FGF1: variants seen among roughly 807,000 people sequenced by gnomAD.
FGF1 encodes the protein beta-endothelial cell growth factor.
A neutral mutation model predicts 13.4 loss-of-function variants in FGF1; 9 were observed. The ratio of observed to expected loss-of-function variants is 0.67; its 90% confidence interval spans 0.40 to 1.17. The LOEUF is 1.17. Among genes scored for constraint, FGF1 ranks in the 50% most tolerant of loss-of-function variants. The pLI is 0.01. For synonymous variants in FGF1, 93 were observed against 79.0 expected (o/e 1.18, Z -0.94); for missense variants, 156 against 192.7 (o/e 0.81, Z 1.13).
chr5:142,665,957 C>T, intron 1 of FGF1, among the ~76,000 whole-genome samples: 1 of 152,100 alleles, frequency 6.6e-6, no homozygotes, highest in Non-Finnish European at 1.5e-5. Flanking sequence ...CTCTGGCAAA[C>T]CCTTCTTTTT....
chr5:142,622,280 C>T (rs1464188601), intron 1 of FGF1, among the ~76,000 whole-genome samples: 1 of 152,224 alleles, frequency 6.6e-6, no homozygotes, highest in African/African-American at 2.4e-5. Context: ...CTGTATCTAG[C>T]ATTGAGCAAA....
In FGF1 at chr5:142,592,693, C is replaced by A; in HGVS notation, c.*2597G>T. The A allele has an allele frequency of 2.7e-6, 1 of 372,466 alleles. No homozygotes were observed. Among genetic ancestry groups the A allele is most frequent in the Admixed American group, 4.6e-5 (1 of 21,924 alleles). 23.1% of individuals were successfully genotyped at this position (372,466 alleles called of 1,614,324 possible). On this transcript the variant is annotated 3_prime_UTR_variant, in exon 4 of 4. Transcript: ENST00000337706. ...TCCTTCTAAGAAGATCTGACAGGCT[C>A]TTTGGCTGATTTGAAAGCAGTCCCC...
At chr5:142,644,959 G>A (rs1262632189) in intron 1 of FGF1, among the ~76,000 whole-genome samples, 7 of 152,186 alleles carry the variant, frequency 4.6e-5, no homozygotes, top group Admixed American at 3.3e-4. Flanking sequence ...ACTCCTAGTC[G>A]GATTCCAGGG....
At chr5:142,608,904 C>A (rs1039251512) in intron 2 of FGF1, among the ~76,000 whole-genome samples, 2 of 151,590 alleles carry the variant, frequency 1.3e-5, no homozygotes, top group Non-Finnish European at 2.9e-5. Flanking sequence ...TCACATATGA[C>A]CGAGGTGAGA....
chr5:142,685,091 C>T (rs1774432621), intron 1 of FGF1, among the ~76,000 whole-genome samples: 1 of 152,188 alleles, frequency 6.6e-6, no homozygotes, highest in Admixed American at 6.5e-5. Context: ...ATCTCAGTAT[C>T]TGGAGGGCTG....
chr5:142,629,242 A>G (rs930452687), intron 1 of FGF1, among the ~76,000 whole-genome samples: 4 of 152,126 alleles, frequency 2.6e-5, no homozygotes, highest in African/African-American at 4.8e-5. Context: ...TGTAGCCTCA[A>G]ACTCCTGGGC....
At chr5:142,670,249 G>A (rs1254109725) in intron 1 of FGF1, among the ~76,000 whole-genome samples, 3 of 152,042 alleles carry the variant, frequency 2.0e-5, no homozygotes, top group South Asian at 2.1e-4. Flanking sequence ...CTTCCACTAC[G>A]TCCTTCCACA....
At chr5:142,672,209 C>T (rs1771597675) in intron 1 of FGF1, among the ~76,000 whole-genome samples, 1 of 152,130 alleles carries the variant, frequency 6.6e-6, no homozygotes, top group Non-Finnish European at 1.5e-5. Flanking sequence ...AATATTTTAA[C>T]AGTGATTACC....
chr5:142,679,441 C>T (rs907267745), intron 1 of FGF1, among the ~76,000 whole-genome samples: 1 of 152,186 alleles, frequency 6.6e-6, no homozygotes, highest in Non-Finnish European at 1.5e-5. Flanking sequence ...CAGGACCACT[C>T]GGTAGAATTG....
chr5:142,639,702 A>G (rs1470471635), intron 1 of FGF1, among the ~76,000 whole-genome samples: 1 of 152,016 alleles, frequency 6.6e-6, no homozygotes, highest in Non-Finnish European at 1.5e-5. Context: ...GATTGCCAAG[A>G]GGGTAGATCT....
chr5:142,625,165 C>A (rs1052732804), intron 1 of FGF1, among the ~76,000 whole-genome samples: 5 of 152,138 alleles, frequency 3.3e-5, no homozygotes, highest in Admixed American at 1.3e-4. Flanking sequence ...ACTCATCAAG[C>A]CATGTTTCAG....
rs937929048 is a variant in FGF1, at chr5:142,593,076, T to G, written c.*2214A>C. On this transcript the variant is annotated 3_prime_UTR_variant, in exon 4 of 4. Transcript: ENST00000337706. ...TGAGATGGTCGAGGTCACATTGGTG[T>G]TTTTACTACAATGCTTTGCATCTCC... is the stretch of plus-strand genomic sequence containing the variant. 6.6e-6 allele frequency: 1 copy of G among 152,322 alleles called. No homozygotes were observed. The highest frequency in any genetic ancestry group is 2.4e-5 in the African/African-American group (1 of 41,578). The allele number at this position is 152,322 out of a possible 1,614,324, so 9.4% of individuals were successfully genotyped here.
At chr5:142,655,202 G>C (rs888660559) in intron 1 of FGF1, among the ~76,000 whole-genome samples, 2 of 152,194 alleles carry the variant, frequency 1.3e-5, no homozygotes, top group South Asian at 2.1e-4. Context: ...CTGGGAATTT[G>C]AAAGAACATG....
intron 1 of FGF1, among the ~76,000 whole-genome samples, chr5:142,677,969 G>T (rs1455323173): frequency 6.6e-6 from 1 of 152,180 alleles, no homozygotes; most frequent in Admixed American, 6.5e-5. Flanking sequence ...GACAAGAGAG[G>T]CAGGGCCTGA....
At chr5:142,659,096 T>A (rs1315472325) in intron 1 of FGF1, among the ~76,000 whole-genome samples, 2 of 152,140 alleles carry the variant, frequency 1.3e-5, no homozygotes, top group East Asian at 3.9e-4. Context: ...CTCATTCAGG[T>A]TCTTTATCAC....
chr5:142,593,107 C>T lies in FGF1; in HGVS notation c.*2183G>A, dbSNP rs942145343. On this transcript the variant is annotated 3_prime_UTR_variant, in exon 4 of 4. Coordinates refer to ENST00000337706, the MANE Select transcript of FGF1 (RefSeq NM_000800.5). ...CTACAATGCTTTGCATCTCCGAAAT[C>T]ACAGACTTCCATTTCACAAGTTAGC... is the stretch of plus-strand genomic sequence containing the variant. 6.6e-6 allele frequency: 1 copy of T among 152,298 alleles called. No individual in the cohort carries two copies. The highest frequency in any genetic ancestry group is 1.5e-5 in the Non-Finnish European group (1 of 68,026). 9.4% of individuals were successfully genotyped at this position (152,298 alleles called of 1,614,324 possible). A position where few individuals can be genotyped will look rare whatever the true frequency, so the allele number is the denominator to read the frequency against.
chr5:142,592,430 A>T lies in FGF1; in HGVS notation c.*2860T>A, dbSNP rs1754435237. The T allele has an allele frequency of 2.5e-6, 1 of 398,394 alleles. No individual in the cohort carries two copies. The highest frequency in any genetic ancestry group is 1.3e-4 in the South Asian group (1 of 7,850). The allele number at this position is 398,394 out of a possible 1,614,324, so 24.7% of individuals were successfully genotyped here. A position where few individuals can be genotyped will look rare whatever the true frequency, so the allele number is the denominator to read the frequency against. On this transcript the variant is annotated 3_prime_UTR_variant, in exon 4 of 4. Coordinates refer to ENST00000337706, the MANE Select transcript of FGF1 (RefSeq NM_000800.5). The stretch of plus-strand genomic sequence containing the variant: ...TTCATACACACTGTTGGCCATTGTG[A>T]ATCTTTCTTATCATGCCTTCCAAGG...
chr5:142,629,877 T>TTATATATA (rs1554082564), intron 1 of FGF1, among the ~76,000 whole-genome samples: 1 of 137,580 alleles, frequency 7.3e-6, no homozygotes, highest in East Asian at 2.1e-4. Context: ...TACATATATA[T>TTATATATA]TATATATATA....
At chr5:142,626,965 C>A (rs1762562236) in intron 1 of FGF1, 1 of 152,212 alleles carries the variant, frequency 6.6e-6, no homozygotes, top group African/African-American at 2.4e-5. Context: ...CCCCAGTTGT[C>A]TTCTCTGTAA....
Sources: allele counts gnomAD v4.1 joint callset (sites outside exome capture counted in the v4.1 genomes callset), GRCh38; gene constraint gnomAD v4.1.1; transcripts MANE v1.5; gene names NCBI Gene and HGNC (gene_info 2026-07-23, HGNC 2026-07-21).